Variants in CHRNA1 observed in about 807,000 individuals in gnomAD.
The protein encoded by CHRNA1 is cholinergic receptor nicotinic alpha 1 subunit.
A neutral mutation model predicts 47.1 loss-of-function variants in CHRNA1; 35 were observed. That is an observed-to-expected ratio of 0.74 (90% CI 0.57 to 0.99). The LOEUF (loss-of-function observed/expected upper bound fraction) is 0.99. Ranked by LOEUF, CHRNA1 falls within the 50% of genes least tolerant of loss-of-function variation. The pLI is 0.00. For missense variants in CHRNA1, 506 were observed against 591.1 expected (o/e 0.86, Z 1.49); for synonymous variants, 229 against 223.6 (o/e 1.02, Z -0.22).
Position 174,757,488 on chromosome 2 carries a change from A to G in CHRNA1, c.344+78T>C. ...ATTAGCAGTGGTGAGAAGCATTCCG[A>G]GCGCGCAGCCCTTCTATTAGGGCAC... On this transcript the variant is annotated intron_variant, in intron 4 of 8. Transcript: ENST00000348749. 6.0e-6 allele frequency: 6 copies of G among 996,924 alleles called. 1 individual carries two copies. The South Asian group carries it at 7.8e-5, about 13-fold the overall frequency. 61.8% of individuals were successfully genotyped at this position (996,924 alleles called of 1,614,324 possible).
intron 3 of CHRNA1, among the ~76,000 whole-genome samples, chr2:174,759,070 A>G (rs1684039308): frequency 6.6e-6 from 1 of 152,194 alleles, no homozygotes; most frequent in African/African-American, 2.4e-5. Context: ...TCTATCTTCC[A>G]GAGCTATGAG....
intron 1 of CHRNA1, among the ~76,000 whole-genome samples, chr2:174,762,095 C>T (rs1684111916): frequency 6.6e-6 from 1 of 152,202 alleles, no homozygotes; most frequent in African/African-American, 2.4e-5. Flanking sequence ...CAGAGACAGT[C>T]ACCTCCTCCT....
rs1156615968 is a variant in CHRNA1, at chr2:174,748,686, G to A, written c.1136C>T (p.Pro379Leu). The A allele has an allele frequency of 6.2e-7, 1 of 1,614,206 alleles. No individual in the cohort carries two copies. The highest frequency in any genetic ancestry group is 8.5e-7 in the Non-Finnish European group (1 of 1,180,046). ...GATCAGGGGAGAGTGGAAGCCCATG[G>A]GTGGAGGCCCTGGCTTTCCAGAAAT... Reference protein sequence around the residue: ...SDISGKPGPPPMGFHSPLIKH... With the variant: ...SDISGKPGPPLMGFHSPLIKH... The change falls in exon 8 of 9, where the codon CCC (proline) becomes CTC (leucine). Residue 379 changes from proline to leucine, a missense_variant. By Grantham distance (98) the Pro-to-Leu change is moderately conservative (BLOSUM62 -3). Coordinates refer to ENST00000348749, the MANE Select transcript of CHRNA1 (RefSeq NM_000079.4).
chr2:174,759,755 C>T (rs1684064343), intron 1 of CHRNA1, 122 bp from the exon 2 acceptor site: 2 of 1,309,522 alleles, frequency 1.5e-6, no homozygotes, highest in East Asian at 4.9e-5. Flanking sequence ...GGCACACAGG[C>T]CTCCTTGTTG....
At chr2:174,753,271 T>C (rs1683894061) in intron 6 of CHRNA1, 3 of 676,440 alleles carry the variant, frequency 4.4e-6, no homozygotes, top group African/African-American at 1.8e-5. Flanking sequence ...ACACTGTGCA[T>C]CTCTAGGGTC....
chr2:174,749,524 C>T (rs1683803790), intron 7 of CHRNA1, among the ~76,000 whole-genome samples: 1 of 152,216 alleles, frequency 6.6e-6, no homozygotes, highest in Admixed American at 6.5e-5. Context: ...CCTCTCTCAT[C>T]AGGAACCCTC....
chr2:174,761,029 G>A (rs1318035631), intron 1 of CHRNA1, among the ~76,000 whole-genome samples: 4 of 152,188 alleles, frequency 2.6e-5, no homozygotes, highest in African/African-American at 9.7e-5. Flanking sequence ...CCAAGGTCAT[G>A]TGACCAGTAA....
intron 4 of CHRNA1, among the ~76,000 whole-genome samples, chr2:174,755,304 C>T (rs1018818680): frequency 1.3e-5 from 2 of 152,158 alleles, no homozygotes; most frequent in South Asian, 2.1e-4. Flanking sequence ...ACAGAGCGCC[C>T]CTCTCTCCTG....
At position 174,748,201 on chromosome 2, in the gene CHRNA1, C is replaced by T; in HGVS notation, c.1297G>A (p.Val433Ile). ...CCGATGATGCAAACAAGCATGAAGA[C>T]TCCGAGGAGTATGTGGTCCATCACC... ...AMVMDHILLG[V>I]FMLVCIIGTL... The change falls in exon 9 of 9, where the codon GTC becomes ATC. Residue 433 changes from valine to isoleucine, a missense_variant. Val to Ile is a conservative substitution (Grantham distance 29, BLOSUM62 3). Coordinates refer to ENST00000348749, the MANE Select transcript of CHRNA1 (RefSeq NM_000079.4). The T allele has an allele frequency of 6.2e-7, 1 of 1,614,152 alleles. No homozygotes were observed. Among genetic ancestry groups the T allele is most frequent in the Non-Finnish European group, 8.5e-7 (1 of 1,180,036 alleles).
intron 1 of CHRNA1, among the ~76,000 whole-genome samples, chr2:174,761,133 C>G (rs968689742): frequency 3.3e-5 from 5 of 152,148 alleles, no homozygotes; most frequent in African/African-American, 1.2e-4. Flanking sequence ...CCTGGAAACT[C>G]AGAACTGCAA....
chr2:174,747,944 G>T lies in CHRNA1; in HGVS notation c.*180C>A. 1 of 728,776 alleles carries T rather than the reference G, an allele frequency of 1.4e-6. No individual in the cohort carries two copies. Among genetic ancestry groups the T allele is most frequent in the Non-Finnish European group, 2.3e-6 (1 of 435,356 alleles). 45.1% of individuals were successfully genotyped at this position (728,776 alleles called of 1,614,324 possible). On this transcript the variant is annotated 3_prime_UTR_variant, in exon 9 of 9. Transcript: ENST00000348749. The stretch of plus-strand genomic sequence containing the variant: ...GGAGACAGCAGAACTAAAGGGAGAA[G>T]CAATATGAAAACACTTCAAGGCCAT...
chr2:174,753,394 T>C (rs938178855), intron 6 of CHRNA1, 109 bp downstream of exon 6: 6 of 1,084,484 alleles, frequency 5.5e-6, no homozygotes, highest in Middle Eastern at 2.1e-4. Flanking sequence ...ATGATGATGG[T>C]TCGGGTCGAT....
chr2:174,760,896 C>G (rs1684089107), intron 1 of CHRNA1, among the ~76,000 whole-genome samples: 1 of 152,128 alleles, frequency 6.6e-6, no homozygotes, highest in Admixed American at 6.5e-5. Context: ...GCAATATCAT[C>G]TAATACTCTC....
At chr2:174,748,540 T>C (rs951629424) in intron 8 of CHRNA1, 40 bp downstream of exon 8, 8 of 1,605,386 alleles carry the variant, frequency 5.0e-6, no homozygotes, top group African/African-American at 2.7e-5. Flanking sequence ...CATTTGACCA[T>C]TTAAACCCAG....
intron 4 of CHRNA1, 150 bp from the exon 5 acceptor site, chr2:174,754,564 A>G (rs1242475421): frequency 3.2e-5 from 23 of 708,478 alleles, no homozygotes; most frequent in Non-Finnish European, 5.2e-5. Context: ...ATCTATTGCA[A>G]TGTTCCCCAT....
rs13391443 is a variant in CHRNA1 at position 174,758,193 on chromosome 2, G to C, written c.235-518C>G. On this transcript the variant is annotated intron_variant, in intron 3 of 8. Transcript: ENST00000348749. The stretch of plus-strand genomic sequence containing the variant: ...GGAGGCTGAGGTGGGTGGATCACCT[G>C]AGGTCAGGAGTTCGAGACCAGCCTG... Among the ~76,000 whole-genome samples the C allele has an allele frequency of 6.5e-3, 989 of 152,288 alleles. 10 individuals carry two copies. The highest frequency in any genetic ancestry group is 0.023 in the African/African-American group (943 of 41,540).
chr2:174,749,996 T>C lies in CHRNA1; in HGVS notation c.952A>G (p.Thr318Ala). 1 of 1,614,102 alleles carries C rather than the reference T, an allele frequency of 6.2e-7. No individual in the cohort carries two copies. The highest frequency in any genetic ancestry group is 1.3e-5 in the African/African-American group (1 of 75,008). ...SIIITVIVIN[T>A]HHRSPSTHVM... ...TGGGTGCTGGGTGAGCGGTGGTGTG[T>C]GTTGATGACGATGACAGTGATGATG... is the stretch of plus-strand genomic sequence containing the variant. Residue 318 changes from threonine to alanine, a missense_variant, in exon 7 of 9, where the codon ACA (threonine) becomes GCA (alanine). Transcript: ENST00000348749.
chr2:174,757,717 C>T lies in CHRNA1; in HGVS notation c.235-42G>A, dbSNP rs202040914. 1.7e-4 allele frequency: 256 copies of T among 1,543,492 alleles called. No homozygotes were observed. The African/African-American group carries it at 2.3e-3, about 14-fold the overall frequency. On this transcript the variant is annotated intron_variant, in intron 3 of 8. Coordinates refer to ENST00000348749, the MANE Select transcript of CHRNA1 (RefSeq NM_000079.4). ...ACAGCTAATTAAAAAGCCAAAAACACTTTCTAAAATCTAAGGTTATCAAGA... is the reference window on the plus strand; with the variant it reads ...ACAGCTAATTAAAAAGCCAAAAACATTTTCTAAAATCTAAGGTTATCAAGA...
chr2:174,754,216 T>A lies in CHRNA1; in HGVS notation c.540+3A>T, dbSNP rs1683922150. 3.7e-6 allele frequency: 6 copies of A among 1,612,814 alleles called. No individual in the cohort carries two copies. The South Asian group carries it at 6.6e-5, about 18-fold the overall frequency. ...ACCCTTATCATATGTGGCCACCACC[T>A]ACCGGGTTGATGGCCACGACAGAGC... On this transcript the variant is annotated splice_donor_region_variant and intron_variant, in intron 5 of 8. Coordinates refer to ENST00000348749, the MANE Select transcript of CHRNA1 (RefSeq NM_000079.4).
Sources: gnomAD v4.1 joint callset for allele counts (sites outside exome capture counted in the v4.1 genomes callset) on GRCh38, gnomAD v4.1.1 for gene constraint, MANE v1.5 for transcripts, NCBI Gene and HGNC (gene_info 2026-07-23, HGNC 2026-07-21) for gene names.